The following FHIT variants were observed in gnomAD, a reference collection of about 807,000 sequenced individuals.
FHIT encodes the protein bis(5'-adenosyl)-triphosphatase.
A neutral mutation model predicts 17.9 loss-of-function variants in FHIT; 19 were observed. That is an observed-to-expected ratio of 1.06 (90% CI 0.74 to 1.56). FHIT has a LOEUF of 1.56. Ranked by LOEUF, FHIT falls within the 40% of genes most tolerant of loss-of-function variation. The pLI is 0.00. For missense variants in FHIT, 248 were observed against 189.2 expected, an observed-to-expected ratio of 1.31 and a Z score of -1.82; for synonymous variants, 81 against 69.7, an observed-to-expected ratio of 1.16 and a Z score of -0.81.
intron 5 of FHIT, among the ~76,000 whole-genome samples, chr3:60,158,923 G>A (rs1700821212): frequency 6.6e-6 from 1 of 151,956 alleles, no homozygotes; most frequent in African/African-American, 2.4e-5. Context: ...TGTGGTATGT[G>A]TTCTCCCTCA....
chr3:60,079,332 T>A (rs947877872), intron 5 of FHIT, among the ~76,000 whole-genome samples: 3 of 152,132 alleles, frequency 2.0e-5, no homozygotes, highest in Admixed American at 2.0e-4. Context: ...CTAAAATGTG[T>A]TTCTACACAA....
At chr3:60,462,451 T>C (rs1559934479) in intron 5 of FHIT, among the ~76,000 whole-genome samples, 1 of 152,092 alleles carries the variant, frequency 6.6e-6, no homozygotes, top group African/African-American at 2.4e-5. Context: ...CAAATGCACC[T>C]AGGGCAAGTC....
At position 60,283,185 on chromosome 3, in the gene FHIT, A is replaced by C. The variant is rs371799822; in HGVS notation, c.103+253675T>G. On this transcript the variant is annotated intron_variant, in intron 5 of 9. Transcript: ENST00000492590. ...AGCAAGCTAAAATTCCTTTCACTGG[A>C]AATCTGGAAAGAACTGATTTAGGAG... Among the ~76,000 whole-genome samples the C allele has an allele frequency of 7.9e-5, 12 of 152,200 alleles. No individual in the cohort carries two copies. The South Asian group carries it at 2.5e-3, about 32-fold the overall frequency.
At chr3:60,694,275 C>A (rs1348407361) in intron 4 of FHIT, among the ~76,000 whole-genome samples, 1 of 150,868 alleles carries the variant, frequency 6.6e-6, no homozygotes, top group African/African-American at 2.4e-5. Flanking sequence ...GCATTACTAG[C>A]CAATGTGAAG....
At chr3:59,962,629 T>C (rs188534086) in intron 7 of FHIT, among the ~76,000 whole-genome samples, 1 of 152,358 alleles carries the variant, frequency 6.6e-6, no homozygotes, top group East Asian at 1.9e-4. Context: ...TACAAGGTTA[T>C]AGAGCTTTCT....
chr3:60,519,272 C>T lies in FHIT; in HGVS notation c.103+17588G>A, dbSNP rs191705812. ...AAAAATGGGTTACACTTGATATAAA[C>T]TAGACTGCAGCTTCATAGATATAAT... On this transcript the variant is annotated intron_variant, in intron 5 of 9. Coordinates refer to ENST00000492590, the MANE Select transcript of FHIT (RefSeq NM_002012.4). Among the ~76,000 whole-genome samples the T allele has an allele frequency of 1.4e-3, 218 of 152,236 alleles. 2 individuals carry two copies. The highest frequency in any genetic ancestry group is 5.0e-3 in the African/African-American group (209 of 41,548).
chr3:60,301,180 T>A (rs1708446272), intron 5 of FHIT, among the ~76,000 whole-genome samples: 1 of 152,170 alleles, frequency 6.6e-6, no homozygotes, highest in Non-Finnish European at 1.5e-5. Context: ...AACACTTTAA[T>A]ACCTTTATAG....
At chr3:60,855,775 G>C (rs1703356283) in intron 3 of FHIT, among the ~76,000 whole-genome samples, 1 of 152,044 alleles carries the variant, frequency 6.6e-6, no homozygotes, top group Non-Finnish European at 1.5e-5. Context: ...GTGTTCTGTA[G>C]TGTACTTTCC....
At chr3:60,590,744 A>G (rs2038057875) in intron 4 of FHIT, among the ~76,000 whole-genome samples, 1 of 152,144 alleles carries the variant, frequency 6.6e-6, no homozygotes, top group Non-Finnish European at 1.5e-5. Flanking sequence ...CACATGTTGC[A>G]CCACAGCTCC....
chr3:60,051,132 A>G (rs1167743667), intron 5 of FHIT, among the ~76,000 whole-genome samples: 1 of 152,080 alleles, frequency 6.6e-6, no homozygotes, highest in Non-Finnish European at 1.5e-5. Flanking sequence ...AGGGTACCTA[A>G]TGGGGCCTTT....
chr3:60,054,481 C>A (rs1702003155), intron 5 of FHIT, among the ~76,000 whole-genome samples: 1 of 152,164 alleles, frequency 6.6e-6, no homozygotes, highest in Admixed American at 6.5e-5. Context: ...CCACTCCCAT[C>A]CCAACCCAAG....
intron 5 of FHIT, among the ~76,000 whole-genome samples, chr3:60,088,289 A>C (rs771815027): frequency 6.6e-6 from 1 of 152,162 alleles, no homozygotes; most frequent in Non-Finnish European, 1.5e-5. Context: ...TCAAATTTCA[A>C]CATGTGCCTT....
chr3:61,046,613 A>G (rs1312984013), intron 2 of FHIT, among the ~76,000 whole-genome samples: 2 of 152,228 alleles, frequency 1.3e-5, no homozygotes, highest in African/African-American at 4.8e-5. Context: ...TCAATAGAGA[A>G]AGAGGGAATC....
chr3:60,321,274 G>A (rs988707975), intron 5 of FHIT, among the ~76,000 whole-genome samples: 1 of 152,152 alleles, frequency 6.6e-6, no homozygotes, highest in Non-Finnish European at 1.5e-5. Context: ...GAGCTCAGGA[G>A]TTCAAGATCA....
At chr3:59,903,212 T>C (rs952020761) in intron 8 of FHIT, among the ~76,000 whole-genome samples, 4 of 152,138 alleles carry the variant, frequency 2.6e-5, no homozygotes, top group Admixed American at 2.0e-4. Flanking sequence ...TATGATGCCA[T>C]TTATATGAAA....
intron 5 of FHIT, among the ~76,000 whole-genome samples, chr3:60,238,906 C>A (rs2107568871): frequency 6.6e-6 from 1 of 152,210 alleles, no homozygotes; most frequent in African/African-American, 2.4e-5. Flanking sequence ...TTCCTGTGAC[C>A]TTTTCAATTA....
At chr3:60,279,580 G>A (rs1446032683) in intron 5 of FHIT, among the ~76,000 whole-genome samples, 2 of 152,046 alleles carry the variant, frequency 1.3e-5, no homozygotes, top group Non-Finnish European at 2.9e-5. Flanking sequence ...TTACTCTATA[G>A]CAAAATCAGA....
At chr3:59,940,311 T>C (rs755785647) in intron 7 of FHIT, among the ~76,000 whole-genome samples, 2 of 152,180 alleles carry the variant, frequency 1.3e-5, no homozygotes, top group Non-Finnish European at 2.9e-5. Context: ...GACCACAACA[T>C]CTTTCAGTTA....
At chr3:61,196,279 C>T (rs1286170442) in intron 2 of FHIT, among the ~76,000 whole-genome samples, 1 of 152,020 alleles carries the variant, frequency 6.6e-6, no homozygotes, top group Non-Finnish European at 1.5e-5. Flanking sequence ...CTATTTAATG[C>T]TGTTTTATTT....
Sources: gnomAD v4.1 joint callset for allele counts (sites outside exome capture counted in the v4.1 genomes callset) on GRCh38, gnomAD v4.1.1 for gene constraint, MANE v1.5 for transcripts, NCBI Gene and HGNC (gene_info 2026-07-23, HGNC 2026-07-21) for gene names.